GOLM2: variants seen among roughly 807,000 people sequenced by gnomAD.
GOLM2 encodes the protein protein GOLM2.
In GOLM2, 26 loss-of-function variants were observed where a neutral mutation model predicts 55.9. The observed-to-expected ratio is 0.47, with a 90% confidence interval of 0.34 to 0.65. The LOEUF is 0.65. Ranked by LOEUF, GOLM2 falls within the 30% of genes least tolerant of loss-of-function variation. GOLM2 has a pLI of 0.01. For synonymous variants in GOLM2, 165 were observed against 194.6 expected (o/e 0.85, Z 1.27); for missense variants, 486 against 531.8 (o/e 0.91, Z 0.85).
At chr15:44,297,373 C>T (rs1413501375) in intron 1 of GOLM2, among the ~76,000 whole-genome samples, 1 of 152,128 alleles carries the variant, frequency 6.6e-6, no homozygotes, top group East Asian at 1.9e-4. Flanking sequence ...CATAGAATGG[C>T]TCTAGCTACC....
At chr15:44,361,577 C>A (rs1398196291) in intron 6 of GOLM2, among the ~76,000 whole-genome samples, 2 of 152,100 alleles carry the variant, frequency 1.3e-5, no homozygotes, top group Admixed American at 6.6e-5. Context: ...GAAAAAGAGT[C>A]CAGGACCAGA....
chr15:44,395,811 G>C (rs1210112039), intron 8 of GOLM2, among the ~76,000 whole-genome samples: 1 of 152,042 alleles, frequency 6.6e-6, no homozygotes, highest in Non-Finnish European at 1.5e-5. Context: ...CTGCACTCCA[G>C]CCTGGCGATA....
chr15:44,292,201 A>ATATAT (rs1463700655), intron 1 of GOLM2, among the ~76,000 whole-genome samples: 1 of 120,038 alleles, frequency 8.3e-6, no homozygotes, highest in African/African-American at 3.9e-5. Flanking sequence ...ATATATATAT[A>ATATAT]TTTTTTTTTT....
At chr15:44,351,013 G>A (rs2079158088) in intron 6 of GOLM2, among the ~76,000 whole-genome samples, 2 of 152,152 alleles carry the variant, frequency 1.3e-5, no homozygotes, top group Admixed American at 6.5e-5. Context: ...CAGACCCACA[G>A]CTAGTATCAT....
intron 6 of GOLM2, among the ~76,000 whole-genome samples, chr15:44,345,366 G>A (rs1470665039): frequency 4.7e-5 from 7 of 150,288 alleles, no homozygotes; most frequent in Admixed American, 2.0e-4. Context: ...TCCGCCTCCC[G>A]GGTTCATGCC....
chr15:44,382,712 G>T (rs945815123), intron 8 of GOLM2, among the ~76,000 whole-genome samples: 13 of 151,538 alleles, frequency 8.6e-5, no homozygotes, highest in African/African-American at 3.2e-4. Context: ...TGATATTTGG[G>T]TAAAGAAGGT....
rs983367190 is a variant in GOLM2 at position 44,337,783 on chromosome 15, A to G, written c.597A>G (p.Gln199=). 1 of 1,583,460 alleles carries G rather than the reference A, an allele frequency of 6.3e-7. No homozygotes were observed. Among genetic ancestry groups the G allele is most frequent in the South Asian group, 1.2e-5 (1 of 84,566 alleles). The change falls in exon 5 of 10, where the codon CAA becomes CAG. Residue 199 remains glutamine (Q), a synonymous_variant. Coordinates refer to ENST00000299957, the MANE Select transcript of GOLM2 (RefSeq NM_138423.4). ...AACAGCAAGAGACCCAAAAGATTCA[A>G]TCAAATGATGGAAAGGAATTGGATA... ...EEQKQETQKI[Q]SNDGKELDIN...
At chr15:44,297,637 C>T in intron 1 of GOLM2, among the ~76,000 whole-genome samples, 1 of 149,944 alleles carries the variant, frequency 6.7e-6, no homozygotes, top group East Asian at 2.0e-4. Context: ...TCTTGGCTCA[C>T]TGCAAGCTCC....
At chr15:44,407,191 T>G (rs1372916510) in intron 9 of GOLM2, among the ~76,000 whole-genome samples, 3 of 146,672 alleles carry the variant, frequency 2.0e-5, no homozygotes, top group Non-Finnish European at 4.5e-5. Flanking sequence ...ATATTTCTAT[T>G]ATATATATTT....
intron 9 of GOLM2, chr15:44,406,417 T>G (rs1226757883): frequency 6.6e-6 from 1 of 151,932 alleles, no homozygotes; most frequent in East Asian, 1.9e-4. Flanking sequence ...GAAAAAAACA[T>G]TAGTCTAGAA....
chr15:44,329,117 G>A (rs149727141), intron 3 of GOLM2, among the ~76,000 whole-genome samples: 52 of 152,174 alleles, frequency 3.4e-4, no homozygotes, highest in Middle Eastern at 3.4e-3. Flanking sequence ...TCTTTTTGAC[G>A]GACATCCAGA....
chr15:44,391,822 G>T (rs1314511882), intron 8 of GOLM2, among the ~76,000 whole-genome samples: 1 of 151,920 alleles, frequency 6.6e-6, no homozygotes, highest in East Asian at 1.9e-4. Context: ...GTACCTAAAT[G>T]GTTTCATTGA....
intron 6 of GOLM2, among the ~76,000 whole-genome samples, chr15:44,359,284 C>T (rs1008623918): frequency 1.3e-5 from 2 of 151,738 alleles, no homozygotes; most frequent in Non-Finnish European, 2.9e-5. Context: ...ATACAAAGAA[C>T]TCTTAAAACT....
chr15:44,388,902 G>A (rs1244888613), intron 8 of GOLM2, among the ~76,000 whole-genome samples: 1 of 151,696 alleles, frequency 6.6e-6, no homozygotes. Flanking sequence ...TGCAAGCTCC[G>A]CCTCCCGGGT....
At chr15:44,315,005 AG>A (rs2078899571) in intron 1 of GOLM2, among the ~76,000 whole-genome samples, 1 of 152,236 alleles carries the variant, frequency 6.6e-6, no homozygotes, top group South Asian at 2.1e-4. Flanking sequence ...CAGCTGGTAT[AG>A]GTGTTAACCA....
intron 1 of GOLM2, among the ~76,000 whole-genome samples, chr15:44,290,704 A>G (rs903076777): frequency 6.6e-6 from 1 of 152,226 alleles, no homozygotes; most frequent in African/African-American, 2.4e-5. Context: ...TACAATTCAC[A>G]TTCTTCTCTC....
intron 6 of GOLM2, among the ~76,000 whole-genome samples, chr15:44,362,337 TCAG>T (rs1283169985): frequency 8.5e-5 from 13 of 152,058 alleles, no homozygotes; most frequent in Non-Finnish European, 1.6e-4. Flanking sequence ...ATAAGCAACT[TCAG>T]CAGTCTCAGG....
chr15:44,303,121 T>C lies in GOLM2; in HGVS notation c.327+13765T>C, dbSNP rs1231627589. Among the ~76,000 whole-genome samples, 6 of 151,660 alleles carry C rather than the reference T, an allele frequency of 4.0e-5. No individual in the cohort carries two copies. The East Asian group carries it at 1.2e-3, about 29-fold the overall frequency. ...CCATCTCAATAAATAAATAAATAAA[T>C]AAATAAATAAATAAATAAATAGTCT... On this transcript the variant is annotated intron_variant, in intron 1 of 9. Coordinates refer to ENST00000299957, the MANE Select transcript of GOLM2 (RefSeq NM_138423.4).
At chr15:44,320,458 C>G (rs897599071) in intron 1 of GOLM2, among the ~76,000 whole-genome samples, 1 of 152,128 alleles carries the variant, frequency 6.6e-6, no homozygotes, top group Non-Finnish European at 1.5e-5. Context: ...TCCACCATGC[C>G]TGGCTAATTT....
Sources: gnomAD v4.1 joint callset for allele counts (sites outside exome capture counted in the v4.1 genomes callset) on GRCh38, gnomAD v4.1.1 for gene constraint, MANE v1.5 for transcripts, NCBI Gene and HGNC (gene_info 2026-07-23, HGNC 2026-07-21) for gene names.